Variants in PIGN observed in about 807,000 individuals in gnomAD.
PIGN encodes the protein GPI ethanolamine phosphate transferase 1.
A neutral mutation model predicts 125.4 loss-of-function variants in PIGN; 117 were observed. That is an observed-to-expected ratio of 0.93 (90% CI 0.80 to 1.09). The LOEUF (loss-of-function observed/expected upper bound fraction) is 1.09. PIGN is among the 50% of genes least tolerant of loss of function. The pLI is 0.00. For synonymous variants in PIGN, 392 were observed against 377.8 expected (o/e 1.04, Z -0.44); for missense variants, 1,075 against 1,094.9 (o/e 0.98, Z 0.26).
chr18:62,119,983 T>C, intron 14 of PIGN, among the ~76,000 whole-genome samples: 1 of 152,098 alleles, frequency 6.6e-6, no homozygotes, highest in East Asian at 1.9e-4. Flanking sequence ...AGGTCTAATA[T>C]GAATGTAATT....
rs910652332 is a variant in PIGN at position 62,041,656 on chromosome 18, T to G, written c.*4200A>C. The G allele has an allele frequency of 3.7e-5, 5 of 136,956 alleles. No homozygotes were observed. Among genetic ancestry groups the G allele is most frequent in the Non-Finnish European group, 7.9e-5 (5 of 62,984 alleles). The allele number at this position is 136,956 out of a possible 1,614,324, so 8.5% of individuals were successfully genotyped here. A position where few individuals can be genotyped will look rare whatever the true frequency, so the allele number is the denominator to read the frequency against. ...ACCCCGCCGGGTGTGTGTGTGTGTG[T>G]GTGTGTGTGTGTGTGTGTGTGTGTG... On this transcript the variant is annotated 3_prime_UTR_variant, in exon 31 of 31. Coordinates refer to ENST00000640252, the MANE Select transcript of PIGN (RefSeq NM_176787.5).
intron 11 of PIGN, among the ~76,000 whole-genome samples, chr18:62,141,358 T>C (rs1413633581): frequency 6.6e-6 from 1 of 152,258 alleles, no homozygotes. Flanking sequence ...GTGATAATGG[T>C]AGCTACAATT....
intron 30 of PIGN, among the ~76,000 whole-genome samples, chr18:62,047,555 C>T (rs2030835313): frequency 1.3e-5 from 2 of 152,126 alleles, no homozygotes; most frequent in Non-Finnish European, 2.9e-5. Flanking sequence ...GTAGTGGAGG[C>T]CTTGCAGGGT....
intron 23 of PIGN, among the ~76,000 whole-genome samples, chr18:62,031,432 A>G (rs1242387392): frequency 6.6e-6 from 1 of 152,230 alleles, no homozygotes; most frequent in African/African-American, 2.4e-5. Flanking sequence ...GTCTGAAACT[A>G]TTTATGGGAA....
rs115539143 is a variant in PIGN at position 62,164,802 on chromosome 18, G to C, written c.-235-1146C>G. On this transcript the variant is annotated intron_variant, in intron 1 of 30. Coordinates refer to ENST00000640252, the MANE Select transcript of PIGN (RefSeq NM_176787.5). ...CTGAATGTAGAGAGCAGATTGTAGT[G>C]GGTAAAGAAATGAATCAAGGAGACT... is the stretch of plus-strand genomic sequence containing the variant. Among the ~76,000 whole-genome samples the C allele has an allele frequency of 5.8e-3, 888 of 152,282 alleles. 9 individuals carry two copies. Among genetic ancestry groups the C allele is most frequent in the African/African-American group, 0.02 (824 of 41,548 alleles).
In PIGN at chr18:62,139,083, TAACA is replaced by T; in HGVS notation, c.1024-12_1024-9del. ...ATCCACAGGAAGGATTCCCTGAAAATAACAAACACCAGCTTATTGATAGTATTCA... is the reference window on the plus strand; with the variant it reads ...ATCCACAGGAAGGATTCCCTGAAAATAACACCAGCTTATTGATAGTATTCA... On this transcript the variant is annotated splice_polypyrimidine_tract_variant and intron_variant, in intron 12 of 30. Coordinates refer to ENST00000640252, the MANE Select transcript of PIGN (RefSeq NM_176787.5). 6.5e-7 allele frequency: 1 copy of T among 1,541,166 alleles called. No homozygotes were observed. The highest frequency in any genetic ancestry group is 8.9e-7 in the Non-Finnish European group (1 of 1,120,684).
At chr18:62,029,987 G>A (rs2030172505) in intron 23 of PIGN, among the ~76,000 whole-genome samples, 1 of 152,132 alleles carries the variant, frequency 6.6e-6, no homozygotes, top group Non-Finnish European at 1.5e-5. Flanking sequence ...GGATTGCAGA[G>A]AAGACCCAGG....
chr18:62,091,828 T>C (rs2033975034), intron 23 of PIGN, among the ~76,000 whole-genome samples: 1 of 152,220 alleles, frequency 6.6e-6, no homozygotes, highest in South Asian at 2.1e-4. Context: ...ATTATTACTT[T>C]ATAAAATCTT....
intron 28 of PIGN, chr18:62,075,341 C>T (rs1163288353): frequency 1.3e-5 from 2 of 152,326 alleles, no homozygotes; most frequent in Admixed American, 6.5e-5. Flanking sequence ...CTGAGAGCCA[C>T]TAATCTGTCC....
At chr18:62,167,498 GGTGCACACCTGTGGTCTCA>G (rs2037188490) in intron 1 of PIGN, among the ~76,000 whole-genome samples, 1 of 151,580 alleles carries the variant, frequency 6.6e-6, no homozygotes, top group Non-Finnish European at 1.5e-5. Flanking sequence ...CAGGTGTGGT[GGTGCACACCTGTGGTCTCA>G]GCTACTCGGG....
intron 30 of PIGN, among the ~76,000 whole-genome samples, chr18:62,065,671 A>G (rs953236227): frequency 5.3e-5 from 8 of 152,030 alleles, no homozygotes; most frequent in African/African-American, 9.7e-5. Context: ...CCCGGGAGAC[A>G]GAGCTTGTGA....
At chr18:62,132,855 T>C (rs1047661499) in intron 14 of PIGN, among the ~76,000 whole-genome samples, 1 of 143,984 alleles carries the variant, frequency 6.9e-6, no homozygotes, top group Admixed American at 6.9e-5. Flanking sequence ...GAGCTAGCCT[T>C]ATTTTTTCCA....
At chr18:62,112,728 T>G (rs925826971) in intron 16 of PIGN, 3 of 180,678 alleles carry the variant, frequency 1.7e-5, no homozygotes, top group African/African-American at 7.0e-5. Context: ...GCAAATAATT[T>G]TATTGTTCTC....
intron 25 of PIGN, among the ~76,000 whole-genome samples, chr18:62,086,882 G>A (rs2033731302): frequency 7.5e-6 from 1 of 132,666 alleles, no homozygotes; most frequent in African/African-American, 2.6e-5. Flanking sequence ...ACAAGGAGCA[G>A]TTAAATATGA....
chr18:62,178,340 GC>G (rs888108059), intron 1 of PIGN, among the ~76,000 whole-genome samples: 1 of 151,834 alleles, frequency 6.6e-6, no homozygotes, highest in Non-Finnish European at 1.5e-5. Flanking sequence ...CTGTCACTCT[GC>G]CCCCTTATGC....
chr18:62,152,209 G>C (rs1295408433), intron 7 of PIGN, among the ~76,000 whole-genome samples: 1 of 152,166 alleles, frequency 6.6e-6, no homozygotes, highest in Non-Finnish European at 1.5e-5. Context: ...GTTAAGATAA[G>C]AGATTGTGGA....
chr18:62,134,450 T>C (rs1247916021), intron 14 of PIGN, among the ~76,000 whole-genome samples: 1 of 152,080 alleles, frequency 6.6e-6, no homozygotes, highest in Non-Finnish European at 1.5e-5. Flanking sequence ...CAACTAAAGA[T>C]AAAATTCTCC....
Position 62,074,795 on chromosome 18 carries a change from G to C in PIGN, c.2603C>G (p.Ser868Ter), listed in dbSNP as rs2145763593. ...KSLFLIVLVI[S>*]DIMALHFFFL... ...ATGCCTTACCAAAGCCATAATGTCT[G>C]ATATGACGAGAACAATGAGAAAAAG... The change falls in exon 29 of 31, where the codon TCA (serine) becomes TGA (stop). Residue 868 changes from serine to a stop codon, truncating the protein, a stop_gained. Transcript: ENST00000640252. LOFTEE classifies it high-confidence loss of function. 6.2e-7 allele frequency: 1 copy of C among 1,604,746 alleles called. No homozygotes were observed. Among genetic ancestry groups the C allele is most frequent in the Admixed American group, 1.7e-5 (1 of 59,832 alleles).
intron 23 of PIGN, among the ~76,000 whole-genome samples, chr18:62,027,767 T>C (rs1290392363): frequency 1.3e-5 from 2 of 152,054 alleles, no homozygotes; most frequent in Admixed American, 6.5e-5. Flanking sequence ...TTTAGCTGGG[T>C]GTGGTGGCAC....
Sources: gnomAD v4.1 joint callset for allele counts (sites outside exome capture counted in the v4.1 genomes callset) on GRCh38, gnomAD v4.1.1 for gene constraint, MANE v1.5 for transcripts, NCBI Gene and HGNC (gene_info 2026-07-23, HGNC 2026-07-21) for gene names.